BCO1: variants seen among roughly 807,000 people sequenced by gnomAD.
BCO1 encodes the protein beta-carotene oxygenase 1.
BCO1 carries 54 observed loss-of-function variants against 56.3 expected under a neutral mutation model. The observed-to-expected ratio is 0.96, with a 90% CI of 0.77 to 1.20. BCO1 has a LOEUF of 1.20. Ranked by LOEUF, BCO1 falls within the 50% of genes most tolerant of loss-of-function variation. The pLI is 0.00. For missense variants in BCO1, 801 were observed against 690.9 expected (o/e 1.16, Z -1.79); for synonymous variants, 318 against 266.1 (o/e 1.20, Z -1.90).
chr16:81,290,981 C>T lies in BCO1; in HGVS notation c.*404C>T. 5.6e-6 allele frequency: 1 copy of T among 178,830 alleles called. No homozygotes were observed. The highest frequency in any genetic ancestry group is 1.3e-4 in the South Asian group (1 of 7,682). 11.1% of individuals were successfully genotyped at this position (178,830 alleles called of 1,614,324 possible). On this transcript the variant is annotated 3_prime_UTR_variant, in exon 11 of 11. Coordinates refer to ENST00000258168, the MANE Select transcript of BCO1 (RefSeq NM_017429.3). ...CCTCTGTCTCTTTCTCTTTCCTTTGCTCCCTCCCATGTTTCTGGTGGACTA... is the reference window on the plus strand; with the variant it reads ...CCTCTGTCTCTTTCTCTTTCCTTTGTTCCCTCCCATGTTTCTGGTGGACTA...
intron 7 of BCO1, among the ~76,000 whole-genome samples, chr16:81,271,990 G>A (rs1244946229): frequency 1.3e-5 from 2 of 152,022 alleles, no homozygotes; most frequent in Non-Finnish European, 2.9e-5. Context: ...CAGGCAATCT[G>A]CCCCCCTACG....
intron 2 of BCO1, among the ~76,000 whole-genome samples, chr16:81,256,079 T>C (rs891998737): frequency 2.6e-5 from 4 of 151,846 alleles, no homozygotes; most frequent in African/African-American, 9.7e-5. Context: ...ACCTCCCAAA[T>C]TGCTAGGATT....
chr16:81,288,420 G>A (rs1908302165), intron 10 of BCO1, among the ~76,000 whole-genome samples: 1 of 152,064 alleles, frequency 6.6e-6, no homozygotes, highest in African/African-American at 2.4e-5. Flanking sequence ...ACACCACCAT[G>A]CCTAGCTCAT....
chr16:81,283,981 C>T (rs1031222214), intron 8 of BCO1, among the ~76,000 whole-genome samples: 40 of 150,978 alleles, frequency 2.6e-4, no homozygotes, highest in Admixed American at 4.6e-4. Flanking sequence ...GTCAGGAGAT[C>T]GAGACCATCC....
At position 81,287,291 on chromosome 16, in the gene BCO1, A is replaced by G; in HGVS notation, c.1303-4A>G. 6.2e-7 allele frequency: 1 copy of G among 1,600,264 alleles called. No individual in the cohort carries two copies. Among genetic ancestry groups the G allele is most frequent in the Non-Finnish European group, 8.6e-7 (1 of 1,167,344 alleles). The stretch of plus-strand genomic sequence containing the variant: ...TTATGTGTTTTTCCTCGTTGGATGT[A>G]CAGATAATAAAATATGACATTCTCA... On this transcript the variant is annotated splice_region_variant and splice_polypyrimidine_tract_variant and intron_variant, in intron 9 of 10. Coordinates refer to ENST00000258168, the MANE Select transcript of BCO1 (RefSeq NM_017429.3).
rs1482317890 is a variant in BCO1 at position 81,238,828 on chromosome 16, G to C, written c.-81G>C. 1 of 1,224,688 alleles carries C rather than the reference G, an allele frequency of 8.2e-7. No homozygotes were observed. The highest frequency in any genetic ancestry group is 1.2e-6 in the Non-Finnish European group (1 of 825,970). 75.9% of individuals were successfully genotyped at this position (1,224,688 alleles called of 1,614,324 possible). On this transcript the variant is annotated 5_prime_UTR_variant, in exon 1 of 11. Coordinates refer to ENST00000258168, the MANE Select transcript of BCO1 (RefSeq NM_017429.3). Reference sequence around the variant, plus strand: ...AGCAGGAGAGCAGGAAGGAAACGCAGGAGGAGGGAGCAGCATCTCCTGTGA... The same window carrying C: ...AGCAGGAGAGCAGGAAGGAAACGCACGAGGAGGGAGCAGCATCTCCTGTGA...
chr16:81,262,226 C>A lies in BCO1; in HGVS notation c.414C>A (p.Thr138=). 1 of 1,613,874 alleles carries A rather than the reference C, an allele frequency of 6.2e-7. No homozygotes were observed. Among genetic ancestry groups the A allele is most frequent in the Non-Finnish European group, 8.5e-7 (1 of 1,179,808 alleles). ...AGTGCGGAGAAGACTTCTACGCGAC[C>A]TCAGAGACCAATTACATCAGGAAAA... The part of the protein sequence containing the change: ...IMKCGEDFYA[T]SETNYIRKIN... The change falls in exon 4 of 11, where the codon ACC becomes ACA. Residue 138 remains threonine, a synonymous_variant. Coordinates refer to ENST00000258168, the MANE Select transcript of BCO1 (RefSeq NM_017429.3).
chr16:81,264,771 C>A lies in BCO1; in HGVS notation c.603C>A (p.Ile201=). 1 of 1,614,112 alleles carries A rather than the reference C, an allele frequency of 6.2e-7. No individual in the cohort carries two copies. Among genetic ancestry groups the A allele is most frequent in the Non-Finnish European group, 8.5e-7 (1 of 1,180,020 alleles). The stretch of plus-strand genomic sequence containing the variant: ...AGACAAAGTATGTGATTTTTAAGAT[C>A]CCTGCCACAGTACCAGGTAGGCCAC... The part of the protein sequence containing the change: ...KGKTKYVIFK[I]PATVPEGKKQ... Residue 201 remains isoleucine, a synonymous_variant, in exon 5 of 11, where the codon ATC becomes ATA. Transcript: ENST00000258168.
intron 5 of BCO1, among the ~76,000 whole-genome samples, chr16:81,265,466 T>C: frequency 8.1e-6 from 1 of 124,204 alleles, no homozygotes; most frequent in African/African-American, 3.1e-5. Flanking sequence ...CCATCCACCA[T>C]CTATCTACCC....
chr16:81,254,317 TTTTTTG>T, intron 2 of BCO1, among the ~76,000 whole-genome samples: 1 of 143,170 alleles, frequency 7.0e-6, no homozygotes, highest in Non-Finnish European at 1.5e-5. Flanking sequence ...TTTTTTTTTT[TTTTTTG>T]TATTTTTAGT....
intron 4 of BCO1, among the ~76,000 whole-genome samples, chr16:81,264,363 C>T (rs1377501118): frequency 6.6e-6 from 1 of 152,206 alleles, no homozygotes; most frequent in African/African-American, 2.4e-5. Flanking sequence ...AGCACACCAG[C>T]TCCCTAACTC....
chr16:81,267,761 C>T (rs2151940362), intron 5 of BCO1, 147 bp from the exon 6 acceptor site: 1 of 719,060 alleles, frequency 1.4e-6, no homozygotes, highest in Non-Finnish European at 2.4e-6. Context: ...GCAGCAGCTG[C>T]AGCAACCTTG....
At chr16:81,272,990 G>A (rs1337010191) in intron 7 of BCO1, among the ~76,000 whole-genome samples, 1 of 151,996 alleles carries the variant, frequency 6.6e-6, no homozygotes, top group Non-Finnish European at 1.5e-5. Context: ...TTTTGTGGGG[G>A]ATGGAGTCTT....
At chr16:81,244,959 C>G (rs982742080) in intron 1 of BCO1, among the ~76,000 whole-genome samples, 2 of 152,018 alleles carry the variant, frequency 1.3e-5, no homozygotes, top group Non-Finnish European at 2.9e-5. Flanking sequence ...GGTACAATCT[C>G]GGCTCGCTGC....
At chr16:81,277,792 C>T (rs554333516) in intron 7 of BCO1, among the ~76,000 whole-genome samples, 1 of 152,296 alleles carries the variant, frequency 6.6e-6, no homozygotes, top group African/African-American at 2.4e-5. Context: ...ACTGAGCATG[C>T]TGGCCACTGA....
intron 7 of BCO1, among the ~76,000 whole-genome samples, chr16:81,273,565 C>A (rs1220216391): frequency 2.0e-5 from 3 of 152,130 alleles, no homozygotes; most frequent in Non-Finnish European, 4.4e-5. Flanking sequence ...CATTTTCCCA[C>A]CCATGGCCAT....
chr16:81,241,252 G>A (rs1297126693), intron 1 of BCO1, among the ~76,000 whole-genome samples: 1 of 151,964 alleles, frequency 6.6e-6, no homozygotes, highest in African/African-American at 2.4e-5. Flanking sequence ...GGCAGAGGTT[G>A]TAGTGAGCCA....
intron 1 of BCO1, among the ~76,000 whole-genome samples, chr16:81,239,780 G>C (rs999576451): frequency 6.6e-6 from 1 of 152,142 alleles, no homozygotes; most frequent in Non-Finnish European, 1.5e-5. Context: ...TAGAGGCTCT[G>C]TGTTTCGCTT....
chr16:81,268,668 T>C (rs886651253), intron 6 of BCO1, among the ~76,000 whole-genome samples: 5 of 152,338 alleles, frequency 3.3e-5, no homozygotes, highest in Admixed American at 1.3e-4. Context: ...CATATGCATG[T>C]ATATGTGTAC....
Sources: allele counts gnomAD v4.1 joint callset (sites outside exome capture counted in the v4.1 genomes callset), GRCh38; gene constraint gnomAD v4.1.1; transcripts MANE v1.5; gene names NCBI Gene and HGNC (gene_info 2026-07-23, HGNC 2026-07-21).